Variants in ITPR2 observed in about 807,000 individuals in gnomAD.
The protein encoded by ITPR2 is inositol 1,4,5-trisphosphate-gated calcium channel ITPR2.
A neutral mutation model predicts 317.1 loss-of-function variants in ITPR2; 207 were observed. That is an observed-to-expected ratio of 0.65 (90% CI 0.58 to 0.73). The LOEUF (loss-of-function observed/expected upper bound fraction) is 0.73. ITPR2 is among the 30% of genes least tolerant of loss of function. The probability of loss-of-function intolerance (pLI) is 0.00; values close to 1 mark genes in which losing one functional copy is unlikely to be tolerated. For synonymous variants in ITPR2, 1,156 were observed against 1,149.1 expected, an observed-to-expected ratio of 1.01 and a Z score of -0.12; for missense variants, 2,613 against 3,284.0, an observed-to-expected ratio of 0.80 and a Z score of 4.99.
intron 54 of ITPR2, among the ~76,000 whole-genome samples, chr12:26,395,857 C>T (rs559114305): frequency 1.3e-5 from 2 of 152,246 alleles, no homozygotes; most frequent in South Asian, 2.1e-4. Context: ...GGCTCTTCTG[C>T]TTACTAACTG....
At chr12:26,663,547 T>C (rs1218858300) in intron 15 of ITPR2, 138 bp downstream of exon 15, 3 of 792,456 alleles carry the variant, frequency 3.8e-6, no homozygotes, top group Non-Finnish European at 6.0e-6. Context: ...AAATCATTTT[T>C]ATGTATTGCC....
At chr12:26,419,289 G>A in intron 49 of ITPR2, 76 bp from the exon 50 acceptor site, 1 of 1,295,076 alleles carries the variant, frequency 7.7e-7, no homozygotes, top group South Asian at 1.5e-5. Flanking sequence ...ACTATTCATA[G>A]TCCATGACTT....
intron 37 of ITPR2, among the ~76,000 whole-genome samples, chr12:26,511,056 A>G (rs893195494): frequency 3.9e-5 from 6 of 152,330 alleles, no homozygotes; most frequent in African/African-American, 1.2e-4. Flanking sequence ...CAAATTCACT[A>G]TCATCTTGAC....
intron 31 of ITPR2, among the ~76,000 whole-genome samples, 176 bp downstream of exon 31, chr12:26,596,706 TA>T (rs1945856325): frequency 1.3e-5 from 2 of 151,904 alleles, no homozygotes; most frequent in African/African-American, 4.8e-5. Flanking sequence ...AACTTCTTAT[TA>T]AAAAGTAGAC....
At chr12:26,756,169 G>T (rs533072285) in intron 2 of ITPR2, among the ~76,000 whole-genome samples, 61 of 152,258 alleles carry the variant, frequency 4.0e-4, no homozygotes, top group Non-Finnish European at 7.6e-4. Flanking sequence ...TGGGAAACGG[G>T]AGAGAGAAAA....
At chr12:26,703,235 A>G (rs1948485549) in intron 9 of ITPR2, among the ~76,000 whole-genome samples, 1 of 152,220 alleles carries the variant, frequency 6.6e-6, no homozygotes, top group African/African-American at 2.4e-5. Context: ...TAGACATTAC[A>G]TAGAACCATT....
chr12:26,568,250 G>A (rs561433863), intron 34 of ITPR2, among the ~76,000 whole-genome samples: 1 of 151,162 alleles, frequency 6.6e-6, no homozygotes, highest in African/African-American at 2.4e-5. Flanking sequence ...AAGTTGGAAC[G>A]CAATTGAGAT....
chr12:26,578,942 C>T (rs1945334576), intron 33 of ITPR2, 109 bp from the exon 34 acceptor site: 2 of 1,134,420 alleles, frequency 1.8e-6, no homozygotes, highest in South Asian at 4.0e-5. Context: ...AAAATACAAT[C>T]TTTCAAGTTT....
chr12:26,786,848 C>A (rs1950262159), intron 2 of ITPR2, among the ~76,000 whole-genome samples: 1 of 152,136 alleles, frequency 6.6e-6, no homozygotes, highest in African/African-American at 2.4e-5. Context: ...CTGGCTGAGG[C>A]AAGAGGAACT....
intron 1 of ITPR2, among the ~76,000 whole-genome samples, chr12:26,819,122 G>A (rs987827745): frequency 6.6e-6 from 1 of 152,052 alleles, no homozygotes; most frequent in Admixed American, 6.5e-5. Context: ...CAAAATATGT[G>A]TTTTATTTTT....
intron 45 of ITPR2, among the ~76,000 whole-genome samples, chr12:26,454,769 GAAA>G (rs1941838796): frequency 6.6e-6 from 1 of 152,088 alleles, no homozygotes; most frequent in Non-Finnish European, 1.5e-5. Context: ...TGGACACTGA[GAAA>G]TGACTTCTGG....
rs376518492 is a variant in ITPR2, at chr12:26,832,650, C to T, written c.92+40G>A. On this transcript the variant is annotated intron_variant, in intron 1 of 56. Transcript: ENST00000381340. ...AGGGACAGGGACTGGTTCCCAGGAC[C>T]CGGAGCGCGAGCGCTGCCCAGCCCT... 4.7e-6 allele frequency: 7 copies of T among 1,477,434 alleles called. No homozygotes were observed. In the East Asian group the frequency reaches 1.5e-4, roughly 32 times the overall value. 91.5% of individuals were successfully genotyped at this position (1,477,434 alleles called of 1,614,324 possible). A position where few individuals can be genotyped will look rare whatever the true frequency, so the allele number is the denominator to read the frequency against.
rs189775267 is a variant in ITPR2 at position 26,818,964 on chromosome 12, A to G, written c.92+13726T>C. ...GTCACTATCTTTATTGGTATGATATACTTAAACTGGATTAGTTTGGATGTT... is the reference window on the plus strand; with the variant it reads ...GTCACTATCTTTATTGGTATGATATGCTTAAACTGGATTAGTTTGGATGTT... On this transcript the variant is annotated intron_variant, in intron 1 of 56. Transcript: ENST00000381340. Among the ~76,000 whole-genome samples the G allele has an allele frequency of 2.0e-4, 30 of 149,324 alleles. No homozygotes were observed. In the East Asian group the frequency reaches 5.6e-3, roughly 28 times the overall value.
chr12:26,694,554 C>G (rs1565698417), intron 10 of ITPR2, among the ~76,000 whole-genome samples: 1 of 152,136 alleles, frequency 6.6e-6, no homozygotes, highest in East Asian at 1.9e-4. Context: ...GTAATAAACC[C>G]AACTTGTTCA....
Position 26,802,280 on chromosome 12 carries a change from C to A in ITPR2, c.93-12053G>T, listed in dbSNP as rs569838405. Reference sequence around the variant, plus strand: ...TGTCACTGCACTCCAGCCTGGGCAACAGAACAAGACCCTGTCTCTAAAAAA... The same window carrying A: ...TGTCACTGCACTCCAGCCTGGGCAAAAGAACAAGACCCTGTCTCTAAAAAA... On this transcript the variant is annotated intron_variant, in intron 1 of 56. Coordinates refer to ENST00000381340, the MANE Select transcript of ITPR2 (RefSeq NM_002223.4). Among the ~76,000 whole-genome samples the A allele has an allele frequency of 2.9e-4, 44 of 151,654 alleles. 1 individual carries two copies. Among genetic ancestry groups the A allele is most frequent in the Admixed American group, 1.7e-3 (26 of 15,216 alleles).
At position 26,832,961 on chromosome 12, in the gene ITPR2, G is replaced by A; in HGVS notation, c.-180C>T. The A allele has an allele frequency of 1.8e-6, 1 of 556,420 alleles. No individual in the cohort carries two copies. Among genetic ancestry groups the A allele is most frequent in the Non-Finnish European group, 3.1e-6 (1 of 324,050 alleles). 34.5% of individuals were successfully genotyped at this position (556,420 alleles called of 1,614,324 possible). A position where few individuals can be genotyped will look rare whatever the true frequency, so the allele number is the denominator to read the frequency against. On this transcript the variant is annotated 5_prime_UTR_variant, in exon 1 of 57. Coordinates refer to ENST00000381340, the MANE Select transcript of ITPR2 (RefSeq NM_002223.4). Reference sequence around the variant, plus strand: ...GGCTCAGCCGTGCGTGCGCGCCGGGGAAGCCAGACCGGGGCCAAGCCGCAG... The same window carrying A: ...GGCTCAGCCGTGCGTGCGCGCCGGGAAAGCCAGACCGGGGCCAAGCCGCAG...
At chr12:26,348,647 T>G (rs149002793) in intron 55 of ITPR2, among the ~76,000 whole-genome samples, 2 of 152,270 alleles carry the variant, frequency 1.3e-5, no homozygotes, top group African/African-American at 4.8e-5. Context: ...TTGACAAGTG[T>G]CAGGGACTGC....
Position 26,800,096 on chromosome 12 carries a change from T to C in ITPR2, c.93-9869A>G, listed in dbSNP as rs978398354. Among the ~76,000 whole-genome samples, 3 of 152,186 alleles carry C rather than the reference T, an allele frequency of 2.0e-5. No homozygotes were observed. The East Asian group carries it at 5.8e-4, about 29-fold the overall frequency. ...AAACCCACCTAGTCTCACTCTCTTCTTCCAAGTACAGACACCTCCCCCACC... is the reference window on the plus strand; with the variant it reads ...AAACCCACCTAGTCTCACTCTCTTCCTCCAAGTACAGACACCTCCCCCACC... On this transcript the variant is annotated intron_variant, in intron 1 of 56. Coordinates refer to ENST00000381340, the MANE Select transcript of ITPR2 (RefSeq NM_002223.4).
chr12:26,605,126 A>AAAAAATATATATAT (rs1555165395), intron 26 of ITPR2, among the ~76,000 whole-genome samples: 3 of 136,318 alleles, frequency 2.2e-5, no homozygotes, highest in Non-Finnish European at 3.2e-5. Flanking sequence ...AAAAAATAAA[A>AAAAAATATATATAT]ATATATATAT....
Sources: gnomAD v4.1 joint callset for allele counts (sites outside exome capture counted in the v4.1 genomes callset) on GRCh38, gnomAD v4.1.1 for gene constraint, MANE v1.5 for transcripts, NCBI Gene and HGNC (gene_info 2026-07-23, HGNC 2026-07-21) for gene names.